The following NKAIN2 variants were observed in gnomAD, a reference collection of about 807,000 sequenced individuals.
NKAIN2 encodes the protein sodium/potassium-transporting ATPase subunit beta-1-interacting protein 2.
In NKAIN2, 14 loss-of-function variants were observed where a neutral mutation model predicts 32.6. The observed-to-expected ratio is 0.43, with a 90% CI of 0.28 to 0.67. The LOEUF is 0.67. Ranked by LOEUF, NKAIN2 falls within the 30% of genes least tolerant of loss-of-function variation. NKAIN2 has a pLI of 0.17. For synonymous variants in NKAIN2, 80 were observed against 87.2 expected, an observed-to-expected ratio of 0.92 and a Z score of 0.46; for missense variants, 198 against 258.3, an observed-to-expected ratio of 0.77 and a Z score of 1.60.
At chr6:124,506,187 A>AC (rs1052987780) in intron 3 of NKAIN2, among the ~76,000 whole-genome samples, 3 of 151,842 alleles carry the variant, frequency 2.0e-5, no homozygotes, top group Admixed American at 6.6e-5. Context: ...TCTAAAAAAA[A>AC]AAGAAAAAAA....
At chr6:124,356,877 G>C (rs1430283485) in intron 3 of NKAIN2, among the ~76,000 whole-genome samples, 4 of 152,234 alleles carry the variant, frequency 2.6e-5, no homozygotes, top group African/African-American at 7.2e-5. Flanking sequence ...TTGTAAGGCA[G>C]GTGTTCAGAC....
intron 1 of NKAIN2, among the ~76,000 whole-genome samples, chr6:124,097,560 G>A (rs890579026): frequency 6.6e-6 from 1 of 152,206 alleles, no homozygotes; most frequent in African/African-American, 2.4e-5. Context: ...GGGTTTATTC[G>A]CAAATGACCT....
intron 3 of NKAIN2, among the ~76,000 whole-genome samples, chr6:124,431,058 C>T (rs552774624): frequency 6.6e-6 from 1 of 152,168 alleles, no homozygotes; most frequent in African/African-American, 2.4e-5. Flanking sequence ...GAGATAACTT[C>T]TTCATTGCCT....
At chr6:124,354,099 C>T (rs1798857667) in intron 2 of NKAIN2, among the ~76,000 whole-genome samples, 1 of 152,242 alleles carries the variant, frequency 6.6e-6, no homozygotes, top group Non-Finnish European at 1.5e-5. Context: ...TAAGTCCATT[C>T]GTTTTAAGCT....
chr6:124,350,016 C>G (rs977193869), intron 2 of NKAIN2, among the ~76,000 whole-genome samples: 7 of 152,072 alleles, frequency 4.6e-5, no homozygotes, highest in Non-Finnish European at 1.0e-4. Flanking sequence ...AAGTTTCTGT[C>G]TGAAACATAA....
At chr6:123,990,461 A>G (rs545374746) in intron 1 of NKAIN2, among the ~76,000 whole-genome samples, 34 of 152,312 alleles carry the variant, frequency 2.2e-4, no homozygotes, top group Admixed American at 1.0e-3. Context: ...TGGTTTTATA[A>G]AACCAGATTA....
chr6:124,385,631 C>T (rs1772864373), intron 3 of NKAIN2, among the ~76,000 whole-genome samples: 1 of 152,136 alleles, frequency 6.6e-6, no homozygotes. Flanking sequence ...TGTTCTTCCA[C>T]TATAATTCAT....
intron 1 of NKAIN2, among the ~76,000 whole-genome samples, chr6:124,073,755 A>G (rs1783563475): frequency 6.6e-6 from 1 of 152,150 alleles, no homozygotes; most frequent in African/African-American, 2.4e-5. Flanking sequence ...TCTGTGAAGC[A>G]TATAACATAC....
chr6:124,433,080 G>T (rs1286384713), intron 3 of NKAIN2, among the ~76,000 whole-genome samples: 2 of 152,176 alleles, frequency 1.3e-5, no homozygotes, highest in African/African-American at 4.8e-5. Flanking sequence ...GTTATGGTAA[G>T]TTAGTTTAAT....
At chr6:124,053,708 T>G (rs1376896048) in intron 1 of NKAIN2, among the ~76,000 whole-genome samples, 1 of 152,068 alleles carries the variant, frequency 6.6e-6, no homozygotes, top group Admixed American at 6.6e-5. Context: ...GTCTCCTTTC[T>G]GTGGTAATGT....
intron 4 of NKAIN2, among the ~76,000 whole-genome samples, chr6:124,714,191 T>C (rs546461312): frequency 1.3e-5 from 2 of 152,314 alleles, no homozygotes; most frequent in South Asian, 4.1e-4. Flanking sequence ...ACATAAATAT[T>C]GGAGCTGAGG....
intron 1 of NKAIN2, among the ~76,000 whole-genome samples, chr6:124,046,567 C>T (rs563151343): frequency 1.3e-5 from 2 of 152,102 alleles, no homozygotes; most frequent in South Asian, 2.1e-4. Context: ...TAGCAGGTTT[C>T]AGTGGAACAG....
At chr6:124,280,290 C>G (rs1795231516) in intron 1 of NKAIN2, among the ~76,000 whole-genome samples, 1 of 152,112 alleles carries the variant, frequency 6.6e-6, no homozygotes, top group African/African-American at 2.4e-5. Context: ...GATATAATGT[C>G]ATGAACTGAC....
intron 3 of NKAIN2, among the ~76,000 whole-genome samples, chr6:124,534,955 G>C (rs1254526752): frequency 6.6e-6 from 1 of 152,078 alleles, no homozygotes; most frequent in African/African-American, 2.4e-5. Context: ...TATAGTATTT[G>C]CGTATAACCT....
At chr6:124,687,301 T>C (rs1440449762) in intron 4 of NKAIN2, among the ~76,000 whole-genome samples, 21 of 142,536 alleles carry the variant, frequency 1.5e-4, no homozygotes, top group African/African-American at 5.3e-4. Flanking sequence ...ATATTCTATA[T>C]ATAGAGAATA....
At chr6:124,478,478 A>G in intron 3 of NKAIN2, among the ~76,000 whole-genome samples, 1 of 152,222 alleles carries the variant, frequency 6.6e-6, no homozygotes, top group East Asian at 1.9e-4. Flanking sequence ...ATAAGAAAGT[A>G]CTAAAACATG....
At position 124,398,252 on chromosome 6, in the gene NKAIN2, C is replaced by CAAAAAAAAAAAAAAAAAAAAAAAAA. The variant is rs869039720; in HGVS notation, c.273+42911_273+42935dup. ...TGGGTGACAGAGAGAGACTGCATCT[C>CAAAAAAAAAAAAAAAAAAAAAAAAA]AAAAAAAAAAAAAAAAAAAAAAAAA... On this transcript the variant is annotated intron_variant, in intron 3 of 6. Coordinates refer to ENST00000368417, the MANE Select transcript of NKAIN2 (RefSeq NM_001040214.3). Among the ~76,000 whole-genome samples, 25 of 69,068 alleles carry CAAAAAAAAAAAAAAAAAAAAAAAAA rather than the reference C, an allele frequency of 3.6e-4. 1 individual carries two copies. The highest frequency in any genetic ancestry group is 1.2e-3 in the African/African-American group (15 of 12,920). 45.3% of individuals were successfully genotyped at this position (69,068 alleles called of 152,430 possible). A position where few individuals can be genotyped will look rare whatever the true frequency, so the allele number is the denominator to read the frequency against.
intron 1 of NKAIN2, among the ~76,000 whole-genome samples, chr6:123,858,238 C>A (rs6927299): frequency 0.24 from 36,221 of 151,802 alleles, 4,699 homozygotes; most frequent in East Asian, 0.45. Flanking sequence ...GCCTCAGCCT[C>A]CCAAGTAGTT....
chr6:124,297,230 A>G (rs937978897), intron 2 of NKAIN2, among the ~76,000 whole-genome samples: 10 of 152,196 alleles, frequency 6.6e-5, no homozygotes, highest in Admixed American at 2.0e-4. Flanking sequence ...CTTAACTACT[A>G]ATAGTCTATT....
Sources: allele counts gnomAD v4.1 joint callset (sites outside exome capture counted in the v4.1 genomes callset), GRCh38; gene constraint gnomAD v4.1.1; transcripts MANE v1.5; gene names NCBI Gene and HGNC (gene_info 2026-07-23, HGNC 2026-07-21).